The following NEK7 variants were observed in gnomAD, a reference collection of about 807,000 sequenced individuals.
NEK7 encodes the protein serine/threonine-protein kinase Nek7.
In NEK7, 18 loss-of-function variants were observed where a neutral mutation model predicts 44.6. The observed-to-expected ratio is 0.40, with a 90% CI of 0.28 to 0.60. The LOEUF is 0.60. NEK7 is among the 20% of genes least tolerant of loss of function. NEK7 has a pLI of 0.38. For synonymous variants in NEK7, 130 were observed against 121.1 expected (o/e 1.07, Z -0.48); for missense variants, 256 against 366.5 (o/e 0.70, Z 2.46).
intron 7 of NEK7, among the ~76,000 whole-genome samples, chr1:198,286,054 A>G (rs1208269192): frequency 6.6e-6 from 1 of 152,184 alleles, no homozygotes; most frequent in Non-Finnish European, 1.5e-5. Flanking sequence ...GGATCAATAA[A>G]TCTGCAGTTA....
At chr1:198,285,027 A>G (rs1009428249) in intron 7 of NEK7, among the ~76,000 whole-genome samples, 1 of 152,120 alleles carries the variant, frequency 6.6e-6, no homozygotes, top group Admixed American at 6.6e-5. Context: ...TTTAAAACTG[A>G]ACCTGACTGC....
chr1:198,217,834 T>C (rs918717691), intron 1 of NEK7, among the ~76,000 whole-genome samples: 1 of 111,834 alleles, frequency 8.9e-6, no homozygotes, highest in East Asian at 2.4e-4. Flanking sequence ...GTTTTTACAA[T>C]AGCTATAAAA....
chr1:198,317,037 TTTTC>T (rs1655390993), intron 9 of NEK7, among the ~76,000 whole-genome samples: 1 of 152,154 alleles, frequency 6.6e-6, no homozygotes, highest in African/African-American at 2.4e-5. Flanking sequence ...ATTTCGTAGG[TTTTC>T]TTTCTTTTTA....
intron 1 of NEK7, among the ~76,000 whole-genome samples, chr1:198,230,330 T>C (rs1210361825): frequency 6.6e-6 from 1 of 152,166 alleles, no homozygotes; most frequent in Non-Finnish European, 1.5e-5. Flanking sequence ...CATGATTATT[T>C]ATCATGACCA....
intron 1 of NEK7, among the ~76,000 whole-genome samples, chr1:198,192,313 A>T (rs1571516887): frequency 7.1e-6 from 1 of 141,054 alleles, no homozygotes; most frequent in African/African-American, 2.7e-5. Flanking sequence ...CTCACCATAG[A>T]TTTGTCTATT....
At chr1:198,166,129 A>G (rs557013751) in intron 1 of NEK7, among the ~76,000 whole-genome samples, 6 of 152,250 alleles carry the variant, frequency 3.9e-5, no homozygotes, top group Non-Finnish European at 7.3e-5. Context: ...TTGATCTTCT[A>G]TCCAGACCGC....
At chr1:198,290,002 C>G (rs1654502675) in intron 7 of NEK7, among the ~76,000 whole-genome samples, 1 of 152,118 alleles carries the variant, frequency 6.6e-6, no homozygotes, top group Non-Finnish European at 1.5e-5. Flanking sequence ...AAAGAAAGGT[C>G]AGGTAAGATT....
chr1:198,276,118 A>G (rs1184671300), intron 5 of NEK7, among the ~76,000 whole-genome samples: 2 of 151,618 alleles, frequency 1.3e-5, no homozygotes, highest in Non-Finnish European at 3.0e-5. Flanking sequence ...ATACAAAAAC[A>G]TGAAAATAAT....
At chr1:198,297,957 A>G (rs1303637590) in intron 9 of NEK7, among the ~76,000 whole-genome samples, 1 of 152,188 alleles carries the variant, frequency 6.6e-6, no homozygotes, top group Non-Finnish European at 1.5e-5. Context: ...GCTCTACCCT[A>G]TGTCCAGTCT....
At chr1:198,213,632 C>T (rs1415845085) in intron 1 of NEK7, among the ~76,000 whole-genome samples, 1 of 152,152 alleles carries the variant, frequency 6.6e-6, no homozygotes, top group African/African-American at 2.4e-5. Flanking sequence ...AAAGAGGTGC[C>T]TGTCTGATCT....
At chr1:198,179,567 G>C (rs1664698044) in intron 1 of NEK7, among the ~76,000 whole-genome samples, 1 of 152,130 alleles carries the variant, frequency 6.6e-6, no homozygotes, top group African/African-American at 2.4e-5. Flanking sequence ...CAACAGAATA[G>C]AAGTGTTCAT....
At chr1:198,201,508 C>T (rs1665428210) in intron 1 of NEK7, among the ~76,000 whole-genome samples, 1 of 152,022 alleles carries the variant, frequency 6.6e-6, no homozygotes, top group Non-Finnish European at 1.5e-5. Flanking sequence ...GCATTTGATG[C>T]CTGTGAAGCT....
In NEK7 at chr1:198,321,395, A is replaced by G. The variant is rs1215854083; in HGVS notation, c.*1873A>G. On this transcript the variant is annotated 3_prime_UTR_variant, in exon 10 of 10. Coordinates refer to ENST00000367385, the MANE Select transcript of NEK7 (RefSeq NM_133494.3). ...ATATATTCCTAGAAGTATGAGAAGA[A>G]TTATTCTTATTGACCATTAATGTCA... 6.6e-6 allele frequency: 1 copy of G among 152,148 alleles called. No homozygotes were observed. Among genetic ancestry groups the G allele is most frequent in the Non-Finnish European group, 1.5e-5 (1 of 67,994 alleles). 9.4% of individuals were successfully genotyped at this position (152,148 alleles called of 1,614,324 possible).
At chr1:198,300,236 T>G (rs960481668) in intron 9 of NEK7, among the ~76,000 whole-genome samples, 4 of 152,222 alleles carry the variant, frequency 2.6e-5, no homozygotes, top group Non-Finnish European at 5.9e-5. Context: ...AACTTGGTAT[T>G]GTTGGTGACA....
intron 3 of NEK7, among the ~76,000 whole-genome samples, chr1:198,262,351 T>A (rs1653504032): frequency 6.6e-6 from 1 of 151,920 alleles, no homozygotes; most frequent in Non-Finnish European, 1.5e-5. Flanking sequence ...TGTTAAGGGG[T>A]ATCTACCTGT....
At chr1:198,272,928 A>G (rs1473905681) in intron 5 of NEK7, among the ~76,000 whole-genome samples, 1 of 151,780 alleles carries the variant, frequency 6.6e-6, no homozygotes. Context: ...TTGCTAAATA[A>G]TTTAAGAGGT....
intron 1 of NEK7, among the ~76,000 whole-genome samples, chr1:198,176,589 CATA>C (rs1664609380): frequency 1.3e-5 from 2 of 150,024 alleles, no homozygotes; most frequent in South Asian, 2.1e-4. Context: ...TTAGATTTAT[CATA>C]TATATATATA....
At chr1:198,281,016 A>G (rs1654179139) in intron 7 of NEK7, among the ~76,000 whole-genome samples, 1 of 151,828 alleles carries the variant, frequency 6.6e-6, no homozygotes, top group South Asian at 2.1e-4. Flanking sequence ...TGTGAACTGA[A>G]GATTTTGATT....
chr1:198,273,685 T>C lies in NEK7; in HGVS notation c.373-4276T>C, dbSNP rs145985059. ...GCTTGTCATCTCATGTTAAGACCTT[T>C]TATAGTATTAAATGGACCAATAGGG... On this transcript the variant is annotated intron_variant, in intron 5 of 9. Coordinates refer to ENST00000367385, the MANE Select transcript of NEK7 (RefSeq NM_133494.3). 5.0e-3 allele frequency among the ~76,000 whole-genome samples: 756 copies of C among 151,928 alleles called. 4 individuals are homozygous for C. Among genetic ancestry groups the C allele is most frequent in the African/African-American group, 0.018 (728 of 41,528 alleles).
Sources: allele counts gnomAD v4.1 joint callset (sites outside exome capture counted in the v4.1 genomes callset), GRCh38; gene constraint gnomAD v4.1.1; transcripts MANE v1.5; gene names NCBI Gene and HGNC (gene_info 2026-07-23, HGNC 2026-07-21).